The following PHYHIPL variants were observed in gnomAD, a reference collection of about 807,000 sequenced individuals.
PHYHIPL encodes the protein phytanoyl-CoA 2-hydroxylase interacting protein like, also known as phytanoyl-CoA hydroxylase-interacting protein-like.
A neutral mutation model predicts 33.4 loss-of-function variants in PHYHIPL; 9 were observed. The ratio of observed to expected loss-of-function variants is 0.27; its 90% CI spans 0.16 to 0.47. PHYHIPL has a LOEUF of 0.47. PHYHIPL is among the 20% of genes least tolerant of loss of function. The pLI, the probability that PHYHIPL is intolerant of heterozygous loss-of-function variation, is 0.99. For synonymous variants in PHYHIPL, 153 were observed against 154.1 expected (o/e 0.99, Z 0.05); for missense variants, 365 against 460.7 (o/e 0.79, Z 1.90).
chr10:59,222,149 A>AT (rs1001476049), intron 1 of PHYHIPL, among the ~76,000 whole-genome samples: 2 of 152,096 alleles, frequency 1.3e-5, no homozygotes, highest in African/African-American at 4.8e-5. Context: ...GAAGTACTGT[A>AT]TATGGATTTC....
chr10:59,177,347 C>A (rs1430720699), intron 1 of PHYHIPL: 9 of 897,418 alleles, frequency 1.0e-5, no homozygotes, highest in Non-Finnish European at 1.5e-5. Context: ...TTCTAGCAAC[C>A]CCCTTCCCCC....
At chr10:59,191,437 T>G (rs967855128) in intron 1 of PHYHIPL, among the ~76,000 whole-genome samples, 1 of 151,982 alleles carries the variant, frequency 6.6e-6, no homozygotes, top group Non-Finnish European at 1.5e-5. Context: ...GGTGATAACT[T>G]TATTCTGATT....
intron 1 of PHYHIPL, among the ~76,000 whole-genome samples, chr10:59,183,881 A>C (rs1177711647): frequency 6.6e-6 from 1 of 152,184 alleles, no homozygotes; most frequent in Admixed American, 6.5e-5. Flanking sequence ...TTGCTCTCTA[A>C]TAATAGTATG....
chr10:59,177,975 A>AC (rs1838300411), intron 1 of PHYHIPL, among the ~76,000 whole-genome samples: 1 of 152,210 alleles, frequency 6.6e-6, no homozygotes, highest in Non-Finnish European at 1.5e-5. Context: ...AGAGGTAATG[A>AC]TTGTAAAACA....
chr10:59,207,906 A>G (rs909322963), intron 1 of PHYHIPL, among the ~76,000 whole-genome samples: 1 of 150,970 alleles, frequency 6.6e-6, no homozygotes, highest in Non-Finnish European at 1.5e-5. Flanking sequence ...AAAAAAAAAA[A>G]GGGCAGCAGC....
At chr10:59,178,767 T>C (rs1001955954) in intron 1 of PHYHIPL, among the ~76,000 whole-genome samples, 1 of 152,190 alleles carries the variant, frequency 6.6e-6, no homozygotes, top group African/African-American at 2.4e-5. Flanking sequence ...AAAATAATGC[T>C]GTATTTACTG....
Position 59,245,892 on chromosome 10 carries a change from T to C in PHYHIPL, c.*301T>C. 3.3e-6 allele frequency: 1 copy of C among 305,168 alleles called. No homozygotes were observed. 18.9% of individuals were successfully genotyped at this position (305,168 alleles called of 1,614,324 possible). A position where few individuals can be genotyped will look rare whatever the true frequency, so the allele number is the denominator to read the frequency against. ...TATGCCAAACATAACAAAACAGTTA[T>C]ATAGACTGCTTTAGCAAAGTACACA... On this transcript the variant is annotated 3_prime_UTR_variant, in exon 5 of 5. Transcript: ENST00000373880.
rs1274668482 is a variant in PHYHIPL at position 59,245,949 on chromosome 10, A to G, written c.*358A>G. On this transcript the variant is annotated 3_prime_UTR_variant, in exon 5 of 5. Transcript: ENST00000373880. ...GCTTATAAATGGTGTTTAAATATGC[A>G]TTCATTTTAATCTACTGAACAAATA... The G allele has an allele frequency of 5.6e-6, 1 of 176,992 alleles. No individual in the cohort carries two copies. The highest frequency in any genetic ancestry group is 1.2e-5 in the Non-Finnish European group (1 of 84,064). The allele number at this position is 176,992 out of a possible 1,614,324, so 11.0% of individuals were successfully genotyped here.
At chr10:59,200,241 A>G (rs963228140) in intron 1 of PHYHIPL, among the ~76,000 whole-genome samples, 16 of 152,170 alleles carry the variant, frequency 1.1e-4, no homozygotes, top group Non-Finnish European at 4.4e-5. Flanking sequence ...ATCAATATCT[A>G]ATATATTGAG....
chr10:59,228,774 G>T (rs987172280), intron 1 of PHYHIPL, among the ~76,000 whole-genome samples: 3 of 152,072 alleles, frequency 2.0e-5, no homozygotes, highest in Non-Finnish European at 1.5e-5. Context: ...TAGAAAAATG[G>T]CTTAAGGCTT....
At chr10:59,224,352 A>C (rs1202832809) in intron 1 of PHYHIPL, among the ~76,000 whole-genome samples, 1 of 152,068 alleles carries the variant, frequency 6.6e-6, no homozygotes, top group Admixed American at 6.6e-5. Flanking sequence ...GCCACAAGGG[A>C]GGCTGAGGTA....
chr10:59,233,319 C>T (rs1840132573), intron 1 of PHYHIPL, among the ~76,000 whole-genome samples: 1 of 151,666 alleles, frequency 6.6e-6, no homozygotes, highest in African/African-American at 2.4e-5. Context: ...GAAGGTATTA[C>T]CACAAGGTGA....
chr10:59,200,776 T>G (rs562397493), intron 1 of PHYHIPL, among the ~76,000 whole-genome samples: 8 of 152,290 alleles, frequency 5.3e-5, no homozygotes, highest in South Asian at 4.1e-4. Flanking sequence ...TCTTCCTGGT[T>G]TAGTCTTCGG....
chr10:59,176,129 G>A (rs891368150), upstream of PHYHIPL, among the ~76,000 whole-genome samples: 9 of 152,216 alleles, frequency 5.9e-5, no homozygotes, highest in Admixed American at 2.0e-4. Context: ...ATGTCCGGCC[G>A]AGCCCGCAGG....
chr10:59,201,489 AT>A (rs1039096868), intron 1 of PHYHIPL, among the ~76,000 whole-genome samples: 115 of 152,272 alleles, frequency 7.6e-4, no homozygotes, highest in African/African-American at 2.6e-3. Flanking sequence ...TATGTGGTCA[AT>A]TTTGGAATAG....
chr10:59,182,707 A>G (rs1215939909), intron 1 of PHYHIPL, among the ~76,000 whole-genome samples: 1 of 152,176 alleles, frequency 6.6e-6, no homozygotes, highest in Non-Finnish European at 1.5e-5. Context: ...GTATAGAAGA[A>G]TAGGACAGTC....
At chr10:59,243,501 T>TTTA (rs1342035494) in intron 4 of PHYHIPL, among the ~76,000 whole-genome samples, 29 of 152,304 alleles carry the variant, frequency 1.9e-4, no homozygotes, top group African/African-American at 7.0e-4. Context: ...CACACATTTA[T>TTTA]TTATTGTGTT....
chr10:59,196,415 ATT>A (rs59368905), intron 1 of PHYHIPL, among the ~76,000 whole-genome samples: 232 of 136,496 alleles, frequency 1.7e-3, no homozygotes, highest in African/African-American at 5.4e-3. Flanking sequence ...CACTGTCAAC[ATT>A]TTTTTTTTTT....
intron 1 of PHYHIPL, among the ~76,000 whole-genome samples, chr10:59,230,266 T>G (rs1383698752): frequency 7.0e-6 from 1 of 142,370 alleles, no homozygotes; most frequent in Non-Finnish European, 1.5e-5. Context: ...CAGGCTGGAG[T>G]GCAGTGGCAC....
Sources: gnomAD v4.1 joint callset for allele counts (sites outside exome capture counted in the v4.1 genomes callset) on GRCh38, gnomAD v4.1.1 for gene constraint, MANE v1.5 for transcripts, NCBI Gene and HGNC (gene_info 2026-07-23, HGNC 2026-07-21) for gene names.